The following CTNNA3 variants were observed in gnomAD, a reference collection of about 807,000 sequenced individuals.
CTNNA3 encodes the protein catenin alpha 3, also known as catenin alpha-3.
In CTNNA3, 76 loss-of-function variants were observed where a neutral mutation model predicts 95.7. The observed-to-expected ratio is 0.79, with a 90% confidence interval of 0.66 to 0.96. The LOEUF is 0.96. Among genes scored for constraint, CTNNA3 ranks in the 40% least tolerant of loss-of-function variants. The probability of loss-of-function intolerance (pLI) is 0.00; values close to 1 mark genes in which losing one functional copy is unlikely to be tolerated. For synonymous variants in CTNNA3, 431 were observed against 374.4 expected, an observed-to-expected ratio of 1.15 and a Z score of -1.74; for missense variants, 1,191 against 1,089.8, an observed-to-expected ratio of 1.09 and a Z score of -1.31.
intron 5 of CTNNA3, among the ~76,000 whole-genome samples, chr10:67,496,306 A>C (rs2133090594): frequency 6.6e-6 from 1 of 152,298 alleles, no homozygotes; most frequent in African/African-American, 2.4e-5. Context: ...GTATTCATGA[A>C]TATATGGCTT....
At chr10:66,652,975 A>G (rs112970299) in intron 9 of CTNNA3, among the ~76,000 whole-genome samples, 1 of 152,298 alleles carries the variant, frequency 6.6e-6, no homozygotes, top group African/African-American at 2.4e-5. Context: ...TAGATATACA[A>G]GGAACATACC....
chr10:66,855,514 C>T (rs1843655410), intron 7 of CTNNA3, among the ~76,000 whole-genome samples: 1 of 152,074 alleles, frequency 6.6e-6, no homozygotes, highest in South Asian at 2.1e-4. Flanking sequence ...TGGCCTTTCT[C>T]TGTCATAGTC....
chr10:66,071,935 A>C (rs2133608740), intron 14 of CTNNA3, among the ~76,000 whole-genome samples: 1 of 152,312 alleles, frequency 6.6e-6, no homozygotes, highest in Admixed American at 6.5e-5. Flanking sequence ...TTTTAAGCAT[A>C]GATTTCATTT....
intron 7 of CTNNA3, among the ~76,000 whole-genome samples, chr10:66,961,329 T>A (rs927206042): frequency 2.0e-5 from 3 of 152,130 alleles, no homozygotes; most frequent in African/African-American, 4.8e-5. Context: ...AGGCCATCAA[T>A]AAACTCCACA....
chr10:66,099,693 AT>A (rs2081540116), intron 14 of CTNNA3, among the ~76,000 whole-genome samples: 1 of 152,176 alleles, frequency 6.6e-6, no homozygotes, highest in African/African-American at 2.4e-5. Context: ...ACAATATAAA[AT>A]AATTTCTCTT....
At chr10:66,935,559 C>A (rs1241939487) in intron 7 of CTNNA3, among the ~76,000 whole-genome samples, 1 of 151,912 alleles carries the variant, frequency 6.6e-6, no homozygotes, top group African/African-American at 2.4e-5. Flanking sequence ...AAAGATCTTT[C>A]TAATATGGCA....
At chr10:66,294,236 T>A (rs2091738146) in intron 12 of CTNNA3, among the ~76,000 whole-genome samples, 1 of 152,188 alleles carries the variant, frequency 6.6e-6, no homozygotes, top group South Asian at 2.1e-4. Context: ...TAGAGTTTTA[T>A]CATCCGGTCA....
chr10:67,368,962 C>T (rs776969941), intron 5 of CTNNA3, among the ~76,000 whole-genome samples: 1 of 152,046 alleles, frequency 6.6e-6, no homozygotes, highest in Non-Finnish European at 1.5e-5. Context: ...GATGGTTTCA[C>T]CATCGACATA....
intron 12 of CTNNA3, among the ~76,000 whole-genome samples, chr10:66,338,743 G>C (rs778730086): frequency 2.0e-5 from 3 of 151,890 alleles, no homozygotes; most frequent in Non-Finnish European, 4.4e-5. Flanking sequence ...TTGGAACTGA[G>C]CAGATTAGAA....
intron 13 of CTNNA3, among the ~76,000 whole-genome samples, chr10:66,215,713 C>A (rs2088487426): frequency 6.6e-6 from 1 of 152,062 alleles, no homozygotes; most frequent in African/African-American, 2.4e-5. Flanking sequence ...ATTAATAGCA[C>A]TAAATAAGAA....
At chr10:67,285,832 C>G (rs1183362600) in intron 5 of CTNNA3, among the ~76,000 whole-genome samples, 1 of 152,130 alleles carries the variant, frequency 6.6e-6, no homozygotes, top group African/African-American at 2.4e-5. Context: ...TTCATCACAA[C>G]AGCAATATAA....
intron 5 of CTNNA3, among the ~76,000 whole-genome samples, chr10:67,390,436 C>A (rs148960168): frequency 0.041 from 6,234 of 152,162 alleles, 183 homozygotes; most frequent in South Asian, 0.1. Flanking sequence ...CAAAAAGAGT[C>A]CAGGACCAGA....
At chr10:66,682,633 G>T (rs1847105427) in intron 9 of CTNNA3, among the ~76,000 whole-genome samples, 1 of 110,426 alleles carries the variant, frequency 9.1e-6, no homozygotes, top group African/African-American at 3.7e-5. Context: ...CTAGGTGGAG[G>T]CTTTCTTTTT....
intron 2 of CTNNA3, among the ~76,000 whole-genome samples, chr10:67,623,691 C>T (rs765681937): frequency 3.9e-5 from 6 of 152,074 alleles, no homozygotes; most frequent in Non-Finnish European, 8.8e-5. Flanking sequence ...GAGTGCAGCA[C>T]AGAATTGGGA....
intron 5 of CTNNA3, among the ~76,000 whole-genome samples, chr10:67,368,829 C>G (rs1160611083): frequency 1.3e-5 from 2 of 152,042 alleles, no homozygotes; most frequent in Non-Finnish European, 2.9e-5. Context: ...TGACATAAAG[C>G]AGATCAGTGG....
chr10:67,548,812 A>G (rs192142315), intron 3 of CTNNA3, among the ~76,000 whole-genome samples: 1 of 152,254 alleles, frequency 6.6e-6, no homozygotes, highest in Non-Finnish European at 1.5e-5. Context: ...TAAGAAGGTA[A>G]AAAGACAACA....
At chr10:67,012,186 C>T (rs1852379726) in intron 7 of CTNNA3, 1 of 152,338 alleles carries the variant, frequency 6.6e-6, no homozygotes, top group African/African-American at 2.4e-5. Flanking sequence ...GTGTGTGATG[C>T]ACTTCCTATG....
chr10:66,853,072 T>TC (rs1843554083), intron 7 of CTNNA3, among the ~76,000 whole-genome samples: 1 of 151,868 alleles, frequency 6.6e-6, no homozygotes, highest in African/African-American at 2.4e-5. Flanking sequence ...AGAAATGGTT[T>TC]CACATTTTTA....
intron 1 of CTNNA3, among the ~76,000 whole-genome samples, chr10:67,724,670 T>G (rs1192315547): frequency 6.6e-6 from 1 of 152,204 alleles, no homozygotes; most frequent in Non-Finnish European, 1.5e-5. Flanking sequence ...ATGCAGAATT[T>G]CAGCCAGCGT....
Sources: allele counts gnomAD v4.1 joint callset (sites outside exome capture counted in the v4.1 genomes callset), GRCh38; gene constraint gnomAD v4.1.1; transcripts MANE v1.5; gene names NCBI Gene and HGNC (gene_info 2026-07-23, HGNC 2026-07-21).